Variants in CDH23 observed in about 807,000 individuals in gnomAD.
The protein encoded by CDH23 is cadherin related 23.
A neutral mutation model predicts 317.1 loss-of-function variants in CDH23; 189 were observed. The observed-to-expected ratio is 0.60, with a 90% confidence interval of 0.53 to 0.67. The LOEUF (loss-of-function observed/expected upper bound fraction) is 0.67. Among genes scored for constraint, CDH23 ranks in the 30% least tolerant of loss-of-function variants. The pLI, the probability that CDH23 is intolerant of heterozygous loss-of-function variation, is 0.00. For missense variants in CDH23, 4,401 were observed against 4,592.4 expected (o/e 0.96, Z 1.20); for synonymous variants, 1,839 against 1,876.8 (o/e 0.98, Z 0.52).
chr10:71,784,463 CT>C (rs776111740), intron 42 of CDH23, 43 bp downstream of exon 42: 4 of 1,590,722 alleles, frequency 2.5e-6, no homozygotes, highest in Non-Finnish European at 2.6e-6. Flanking sequence ...CTCGCTGCCC[CT>C]GTACTTGCCA....
At chr10:71,485,188 G>T (rs1173221935) in intron 3 of CDH23, among the ~76,000 whole-genome samples, 1 of 151,784 alleles carries the variant, frequency 6.6e-6, no homozygotes, top group Admixed American at 6.6e-5. Flanking sequence ...CACCATGCCC[G>T]GCTAATTTTT....
chr10:71,713,062 C>A, intron 28 of CDH23: 1 of 740,880 alleles, frequency 1.3e-6, no homozygotes, highest in Non-Finnish European at 2.5e-6. Context: ...GAAGACTTGG[C>A]CTCCCCCTGC....
At chr10:71,698,657 G>A (rs562758959) in intron 22 of CDH23, among the ~76,000 whole-genome samples, 11 of 152,242 alleles carry the variant, frequency 7.2e-5, no homozygotes, top group Admixed American at 7.2e-4. Context: ...TCTTTTCATA[G>A]GTAGCTCATT....
chr10:71,793,271 C>T lies in CDH23; in HGVS notation c.6343C>T (p.Arg2115Cys), dbSNP rs375329233. 25 of 1,613,782 alleles carry T rather than the reference C, an allele frequency of 1.5e-5. No homozygotes were observed. Among genetic ancestry groups the T allele is most frequent in the Middle Eastern group, 3.3e-4 (2 of 6,084 alleles). ...CCGAATAGAAGCTGGGGCTCAGGACCGCTTCCTCATTCATCTGGTCACCGG... is the reference window on the plus strand; with the variant it reads ...CCGAATAGAAGCTGGGGCTCAGGACTGCTTCCTCATTCATCTGGTCACCGG... Reference protein sequence around the residue: ...VYRIEAGAQDRFLIHLVTGVI... With the variant: ...VYRIEAGAQDCFLIHLVTGVI... The change falls in exon 48 of 70, where the codon CGC becomes TGC. Residue 2115 changes from arginine (R) to cysteine (C), a missense_variant. Transcript: ENST00000224721.
At chr10:71,544,069 G>A (rs1248595676) in intron 6 of CDH23, among the ~76,000 whole-genome samples, 1 of 152,226 alleles carries the variant, frequency 6.6e-6, no homozygotes, top group Non-Finnish European at 1.5e-5. Context: ...ATAGGATAAG[G>A]AGGCAGGCCT....
intron 6 of CDH23, among the ~76,000 whole-genome samples, chr10:71,535,256 C>T (rs1054236576): frequency 6.6e-6 from 1 of 152,182 alleles, no homozygotes. Context: ...AAATTATAGC[C>T]TGTGTCTTGC....
intron 6 of CDH23, among the ~76,000 whole-genome samples, chr10:71,541,368 G>A (rs960932727): frequency 3.3e-5 from 5 of 152,210 alleles, no homozygotes; most frequent in African/African-American, 1.2e-4. Flanking sequence ...TCAGCCAGCC[G>A]GGCAGGGAAC....
At chr10:71,803,455 AT>A in intron 55 of CDH23, 35 bp downstream of exon 55, 1 of 1,534,178 alleles carries the variant, frequency 6.5e-7, no homozygotes, top group Non-Finnish European at 8.8e-7. Flanking sequence ...GCCCACCAGT[AT>A]TTCCTTCTTC....
chr10:71,515,357 T>TTCTCTCTCTCTCTCTCTCTCTCTC (rs3059687), intron 6 of CDH23, among the ~76,000 whole-genome samples: 4 of 126,264 alleles, frequency 3.2e-5, no homozygotes, highest in East Asian at 4.9e-4. Flanking sequence ...ACCTGTCTGT[T>TTCTCTCTCTCTCTCTCTCTCTCTC]TCTCTCTCTC....
intron 6 of CDH23, among the ~76,000 whole-genome samples, chr10:71,542,373 G>A (rs979009511): frequency 3.9e-5 from 6 of 152,140 alleles, no homozygotes; most frequent in African/African-American, 1.4e-4. Context: ...CCCTAGGATC[G>A]TCCAGCTGGG....
rs570558040 is a variant in CDH23 at position 71,527,764 on chromosome 10, G to A, written c.429+16552G>A. Among the ~76,000 whole-genome samples, 8 of 152,300 alleles carry A rather than the reference G, an allele frequency of 5.3e-5. No individual in the cohort carries two copies. In the South Asian group the frequency reaches 1.7e-3, roughly 32 times the overall value. ...CTCAGTTTTTCTCATGTGAAATGGG[G>A]ACGATCACAAACTTTATAAGGCTTC... On this transcript the variant is annotated intron_variant, in intron 6 of 69. Transcript: ENST00000224721.
chr10:71,746,965 A>G (rs928176889), intron 38 of CDH23, among the ~76,000 whole-genome samples: 6 of 152,064 alleles, frequency 3.9e-5, no homozygotes, highest in African/African-American at 1.4e-4. Flanking sequence ...TGTTTATTAG[A>G]CTTGGACCCT....
Position 71,741,766 on chromosome 10 carries a change from T to C in CDH23, c.4690T>C (p.Ser1564Pro). ...DRDIGINSVL[S>P]YYITEGNKDM... Reference sequence around the variant, plus strand: ...TGACATCGGGATCAACAGTGTTCTGTCCTACTACATCACCGAGGGCAACAA... The same window carrying C: ...TGACATCGGGATCAACAGTGTTCTGCCCTACTACATCACCGAGGGCAACAA... Residue 1564 changes from serine to proline, a missense_variant, in exon 38 of 70, where the codon TCC becomes CCC. Ser to Pro is a moderately conservative substitution (Grantham distance 74). Coordinates refer to ENST00000224721, the MANE Select transcript of CDH23 (RefSeq NM_022124.6). 4 of 1,612,690 alleles carry C rather than the reference T, an allele frequency of 2.5e-6. No homozygotes were observed. The highest frequency in any genetic ancestry group is 3.4e-6 in the Non-Finnish European group (4 of 1,179,394).
intron 9 of CDH23, among the ~76,000 whole-genome samples, chr10:71,601,779 A>C (rs1860232278): frequency 1.3e-5 from 2 of 152,238 alleles, no homozygotes; most frequent in Non-Finnish European, 2.9e-5. Context: ...TCTGCTACTG[A>C]AACAAAGACA....
At chr10:71,460,746 C>T (rs1248644535) in intron 3 of CDH23, among the ~76,000 whole-genome samples, 2 of 152,210 alleles carry the variant, frequency 1.3e-5, no homozygotes, top group Non-Finnish European at 2.9e-5. Context: ...TCCTGCTCAT[C>T]CCAGCCCCGT....
intron 7 of CDH23, among the ~76,000 whole-genome samples, chr10:71,567,626 C>T (rs998897123): frequency 6.6e-5 from 10 of 152,268 alleles, no homozygotes; most frequent in Non-Finnish European, 1.3e-4. Context: ...GCCCTGACCA[C>T]CATGCCCCAT....
Position 71,812,898 on chromosome 10 carries a change from T to C in CDH23, c.9633+8T>C, listed in dbSNP as rs370234575. 1.2e-6 allele frequency: 2 copies of C among 1,612,982 alleles called. No homozygotes were observed. ...CGTGAGGGGCCAATCAAGGTGAGCC[T>C]TCCCTGCAGGCTCCGCGCCCAGTCC... On this transcript the variant is annotated splice_region_variant and intron_variant, in intron 68 of 69. Coordinates refer to ENST00000224721, the MANE Select transcript of CDH23 (RefSeq NM_022124.6).
intron 3 of CDH23, among the ~76,000 whole-genome samples, chr10:71,499,785 G>T (rs988799186): frequency 1.3e-5 from 2 of 152,170 alleles, no homozygotes; most frequent in Admixed American, 1.3e-4. Context: ...GTTGCAGTGA[G>T]CTGAGATCAT....
At position 71,815,156 on chromosome 10, in the gene CDH23, C is replaced by G. The variant is rs1442206473; in HGVS notation, c.9943C>G (p.Leu3315Val). The change falls in exon 70 of 70, where the codon CTG becomes GTG. Residue 3315 changes from leucine to valine, a missense_variant. This residue lies in a region of CDH23 where 1,144 missense variants were observed against 1,138.2 expected (regional missense o/e 1.01). Coordinates refer to ENST00000224721, the MANE Select transcript of CDH23 (RefSeq NM_022124.6). ...GGGCCTGGGCCGCTCGCTGGAGACG[C>G]TGACCGCTGCCGAGGCCACTGCCTT... ...QKGLGRSLET[L>V]TAAEATAFER... 18 of 1,611,340 alleles carry G rather than the reference C, an allele frequency of 1.1e-5. No homozygotes were observed. Among genetic ancestry groups the G allele is most frequent in the Non-Finnish European group, 1.4e-5 (17 of 1,179,076 alleles).
Sources: allele counts gnomAD v4.1 joint callset (sites outside exome capture counted in the v4.1 genomes callset), GRCh38; gene constraint gnomAD v4.1.1; regional missense constraint gnomAD v4.1.1; transcripts MANE v1.5; gene names NCBI Gene and HGNC (gene_info 2026-07-23, HGNC 2026-07-21).